Variants in CACNA1C observed in about 807,000 individuals in gnomAD.
CACNA1C encodes the protein voltage-dependent L-type calcium channel subunit alpha-1C.
In CACNA1C, 30 loss-of-function variants were observed where a neutral mutation model predicts 229.0. The ratio of observed to expected loss-of-function variants is 0.13; its 90% CI spans 0.10 to 0.18. The LOEUF is 0.18. Ranked by LOEUF, CACNA1C falls within the 10% of genes least tolerant of loss-of-function variation. CACNA1C has a pLI of 1.00. For missense variants in CACNA1C, 1,658 were observed against 2,845.0 expected (o/e 0.58, Z 9.49); for synonymous variants, 1,114 against 1,132.5 (o/e 0.98, Z 0.33).
chr12:2,653,210 A>T lies in CACNA1C; in HGVS notation c.4075-625A>T, dbSNP rs572367060. 6.6e-6 allele frequency among the ~76,000 whole-genome samples: 1 copy of T among 152,358 alleles called. No individual in the cohort carries two copies. The highest frequency in any genetic ancestry group is 1.9e-4 in the East Asian group (1 of 5,196). Reference sequence around the variant, plus strand: ...TGCACTAAGCACTTTATAAGCCTTAAATCTTTTCAACCACAAAACCGCTGA... The same window carrying T: ...TGCACTAAGCACTTTATAAGCCTTATATCTTTTCAACCACAAAACCGCTGA... On this transcript the variant is annotated intron_variant, in intron 32 of 46. Transcript: ENST00000399655. The surrounding 1 kb of genome is among the most constrained non-coding windows in gnomAD (Gnocchi z 4.7).
intron 3 of CACNA1C, among the ~76,000 whole-genome samples, chr12:2,304,843 A>T (rs112870137): frequency 6.6e-6 from 1 of 152,102 alleles, no homozygotes; most frequent in African/African-American, 2.4e-5. Context: ...CACAAAGAAC[A>T]GGTCTCAGGC....
At chr12:2,344,088 C>T (rs2096937526) in intron 3 of CACNA1C, among the ~76,000 whole-genome samples, 1 of 152,142 alleles carries the variant, frequency 6.6e-6, no homozygotes, top group South Asian at 2.1e-4. Context: ...GTCTTGAAAA[C>T]GGAATTAGGT....
intron 34 of CACNA1C, among the ~76,000 whole-genome samples, chr12:2,659,364 G>GTA (rs2095588744): frequency 6.6e-6 from 1 of 152,186 alleles, no homozygotes; most frequent in African/African-American, 2.4e-5. Context: ...ACAGTCACAT[G>GTA]CTGTATAAGC....
chr12:2,448,110 ATCAGCACAGAG>A (rs1410301155), intron 3 of CACNA1C, among the ~76,000 whole-genome samples: 2 of 152,218 alleles, frequency 1.3e-5, no homozygotes, highest in Non-Finnish European at 2.9e-5. Flanking sequence ...ACGTGCATGA[ATCAGCACAGAG>A]TCGGCTGGCT....
chr12:2,074,611 G>C (rs142641175), intron 1 of CACNA1C, among the ~76,000 whole-genome samples: 89 of 152,274 alleles, frequency 5.8e-4, no homozygotes, highest in Non-Finnish European at 7.6e-4. Context: ...GCCCTCTCAG[G>C]GGGAGGAGAC....
chr12:2,317,780 C>G (rs1342372755), intron 3 of CACNA1C, among the ~76,000 whole-genome samples: 1 of 152,158 alleles, frequency 6.6e-6, no homozygotes, highest in Admixed American at 6.5e-5. Context: ...GCCAGAGGCT[C>G]TGGTGGCGAT....
At chr12:2,056,697 T>G (rs1486063962) in intron 1 of CACNA1C, among the ~76,000 whole-genome samples, 2 of 152,210 alleles carry the variant, frequency 1.3e-5, no homozygotes, top group African/African-American at 4.8e-5. Context: ...AAGAAAGCTG[T>G]GGCAATAGCT....
chr12:2,104,211 G>A (rs2077386993), intron 1 of CACNA1C, among the ~76,000 whole-genome samples: 1 of 152,178 alleles, frequency 6.6e-6, no homozygotes, highest in African/African-American at 2.4e-5. Flanking sequence ...TATGAGCATG[G>A]AATGTTTTCC....
intron 3 of CACNA1C, among the ~76,000 whole-genome samples, chr12:2,395,490 C>A (rs1352240449): frequency 6.6e-6 from 1 of 152,082 alleles, no homozygotes; most frequent in African/African-American, 2.4e-5. Context: ...AAGTGACCAG[C>A]CTTATTTTAA....
At chr12:2,049,538 G>A (rs1345101376), upstream of CACNA1C, 1 of 152,168 alleles carries the variant, frequency 6.6e-6, no homozygotes, top group Non-Finnish European at 1.5e-5. Context: ...AGTGAATCAT[G>A]CACTCAACAC....
intron 3 of CACNA1C, among the ~76,000 whole-genome samples, chr12:2,350,885 G>A (rs1181282598): frequency 6.6e-6 from 1 of 152,176 alleles, no homozygotes; most frequent in African/African-American, 2.4e-5. Flanking sequence ...TAGCCTTCTT[G>A]GCAGGACCTG....
intron 1 of CACNA1C, among the ~76,000 whole-genome samples, chr12:2,068,064 A>G (rs1180651948): frequency 6.6e-6 from 1 of 152,174 alleles, no homozygotes; most frequent in East Asian, 1.9e-4. Flanking sequence ...AATGTTACAA[A>G]CCACTGGAAA....
intron 1 of CACNA1C, among the ~76,000 whole-genome samples, chr12:1,989,758 T>C (rs540100686): frequency 2.6e-4 from 40 of 152,350 alleles, no homozygotes; most frequent in African/African-American, 9.1e-4. Context: ...GTCATTGCTG[T>C]CTATAACTTA....
intron 3 of CACNA1C, among the ~76,000 whole-genome samples, chr12:2,309,037 C>T (rs2095268542): frequency 1.3e-5 from 2 of 152,310 alleles, no homozygotes; most frequent in African/African-American, 4.8e-5. Flanking sequence ...GAGATATTTG[C>T]ACCCCCATGT....
chr12:2,638,171 C>T (rs896558888), intron 30 of CACNA1C, among the ~76,000 whole-genome samples: 15 of 152,142 alleles, frequency 9.9e-5, no homozygotes, highest in African/African-American at 2.2e-4. Context: ...GGAACTCATA[C>T]GGTGTGTTAG....
chr12:2,503,160 C>T (rs1220956420), intron 7 of CACNA1C, among the ~76,000 whole-genome samples: 1 of 152,160 alleles, frequency 6.6e-6, no homozygotes, highest in Non-Finnish European at 1.5e-5. Flanking sequence ...CCTGTAGGGC[C>T]GTCAAAACGT....
intron 13 of CACNA1C, among the ~76,000 whole-genome samples, chr12:2,578,134 C>T (rs1383005763): frequency 6.6e-6 from 1 of 152,114 alleles, no homozygotes; most frequent in Non-Finnish European, 1.5e-5. Context: ...TCCCAAAGTG[C>T]TGGGATTACA....
intron 30 of CACNA1C, among the ~76,000 whole-genome samples, chr12:2,634,593 C>T (rs2092085682): frequency 6.7e-6 from 1 of 148,228 alleles, no homozygotes; most frequent in Non-Finnish European, 1.5e-5. Context: ...ATTAGGCCTT[C>T]CCCTTTTCTG....
intron 3 of CACNA1C, among the ~76,000 whole-genome samples, chr12:2,330,059 A>G (rs2096492332): frequency 6.6e-6 from 1 of 152,216 alleles, no homozygotes; most frequent in Non-Finnish European, 1.5e-5. Flanking sequence ...TAAGAAAGAC[A>G]AGCTGAACAG....
Sources: allele counts gnomAD v4.1 joint callset (sites outside exome capture counted in the v4.1 genomes callset), GRCh38; gene constraint gnomAD v4.1.1; non-coding constraint Gnocchi (gnomAD v3.1); transcripts MANE v1.5; gene names NCBI Gene and HGNC (gene_info 2026-07-23, HGNC 2026-07-21).